Variants in SLC2A13 observed in about 807,000 individuals in gnomAD.
The protein encoded by SLC2A13 is proton myo-inositol cotransporter.
A neutral mutation model predicts 64.4 loss-of-function variants in SLC2A13; 32 were observed. The ratio of observed to expected loss-of-function variants is 0.50; its 90% CI spans 0.37 to 0.67. SLC2A13 has a LOEUF of 0.67. Among genes scored for constraint, SLC2A13 ranks in the 30% least tolerant of loss-of-function variants. The pLI is 0.00. For synonymous variants in SLC2A13, 338 were observed against 327.1 expected (o/e 1.03, Z -0.36); for missense variants, 743 against 829.2 (o/e 0.90, Z 1.28).
chr12:39,826,002 CT>C (rs1942662259), intron 7 of SLC2A13, among the ~76,000 whole-genome samples: 1 of 151,920 alleles, frequency 6.6e-6, no homozygotes, highest in African/African-American at 2.4e-5. Context: ...AAATATCTTT[CT>C]GTTGTTTTGT....
chr12:39,801,238 G>A (rs1941779491), intron 7 of SLC2A13, among the ~76,000 whole-genome samples: 1 of 59,234 alleles, frequency 1.7e-5, no homozygotes, highest in South Asian at 4.8e-4. Flanking sequence ...CTAAAACTTA[G>A]AGTATAATTA....
chr12:40,087,636 GA>G (rs1938627082), intron 1 of SLC2A13, among the ~76,000 whole-genome samples: 1 of 152,020 alleles, frequency 6.6e-6, no homozygotes, highest in African/African-American at 2.4e-5. Flanking sequence ...TAGATCCTGG[GA>G]TAAACACAAA....
intron 3 of SLC2A13, among the ~76,000 whole-genome samples, chr12:40,000,731 C>T (rs980489360): frequency 6.6e-6 from 1 of 152,230 alleles, no homozygotes; most frequent in African/African-American, 2.4e-5. Flanking sequence ...TTATAAGAAT[C>T]GCAGTTATAG....
intron 1 of SLC2A13, among the ~76,000 whole-genome samples, chr12:40,070,113 T>C (rs918043518): frequency 6.6e-6 from 1 of 150,426 alleles, no homozygotes; most frequent in East Asian, 2.0e-4. Flanking sequence ...TGACAAAGAG[T>C]ATTATTAGAA....
chr12:40,068,582 C>T (rs980787029), intron 1 of SLC2A13: 8 of 181,324 alleles, frequency 4.4e-5, no homozygotes, highest in Admixed American at 1.9e-4. Flanking sequence ...TCATTTTTGC[C>T]ACCATCATAT....
intron 4 of SLC2A13, among the ~76,000 whole-genome samples, chr12:39,896,520 A>G (rs964417324): frequency 4.3e-5 from 6 of 138,886 alleles, no homozygotes; most frequent in South Asian, 2.2e-4. Context: ...ATGTGTGTAT[A>G]CATGTATACA....
chr12:39,879,659 C>G (rs549458965), intron 4 of SLC2A13, among the ~76,000 whole-genome samples: 1 of 152,138 alleles, frequency 6.6e-6, no homozygotes, highest in Admixed American at 6.5e-5. Context: ...ATGCCTATAC[C>G]CCCAGTGTAT....
intron 1 of SLC2A13, among the ~76,000 whole-genome samples, chr12:40,078,942 G>C (rs554108883): frequency 6.6e-6 from 1 of 152,234 alleles, no homozygotes; most frequent in African/African-American, 2.4e-5. Flanking sequence ...AATAGTTTCT[G>C]AGGGTTCTGT....
At chr12:39,936,122 G>C (rs1945913560) in intron 4 of SLC2A13, among the ~76,000 whole-genome samples, 1 of 152,198 alleles carries the variant, frequency 6.6e-6, no homozygotes, top group Non-Finnish European at 1.5e-5. Context: ...GTTGCAGAAA[G>C]TTTAGAGGCA....
chr12:40,031,822 A>G (rs1207245103), intron 2 of SLC2A13, among the ~76,000 whole-genome samples: 1 of 152,210 alleles, frequency 6.6e-6, no homozygotes, highest in Admixed American at 6.5e-5. Context: ...ACTAATAAAA[A>G]TTTCAACATG....
At chr12:40,033,700 T>C (rs1947937322) in intron 2 of SLC2A13, among the ~76,000 whole-genome samples, 1 of 152,252 alleles carries the variant, frequency 6.6e-6, no homozygotes, top group Non-Finnish European at 1.5e-5. Flanking sequence ...TATTTAATGT[T>C]TCTTTAACAT....
intron 1 of SLC2A13, among the ~76,000 whole-genome samples, chr12:40,096,115 G>C (rs1440595866): frequency 2.0e-5 from 3 of 149,872 alleles, no homozygotes; most frequent in Admixed American, 6.6e-5. Flanking sequence ...CTTTTTAGTA[G>C]AGATGGGGTT....
intron 7 of SLC2A13, among the ~76,000 whole-genome samples, chr12:39,771,245 C>G (rs1354202784): frequency 6.6e-6 from 1 of 151,978 alleles, no homozygotes; most frequent in African/African-American, 2.4e-5. Context: ...GTTCCTTTTT[C>G]TGGAGTGTGG....
chr12:39,927,536 C>T (rs141862798), intron 4 of SLC2A13, among the ~76,000 whole-genome samples: 97 of 152,110 alleles, frequency 6.4e-4, no homozygotes, highest in African/African-American at 2.0e-3. Flanking sequence ...CTCCAAATTG[C>T]GTGTTCATTA....
intron 6 of SLC2A13, among the ~76,000 whole-genome samples, chr12:39,847,364 G>C (rs1042657339): frequency 6.6e-6 from 1 of 151,922 alleles, no homozygotes; most frequent in African/African-American, 2.4e-5. Flanking sequence ...CCCTCCTCCC[G>C]ACTGCTAGAC....
intron 3 of SLC2A13, among the ~76,000 whole-genome samples, chr12:39,975,408 A>T (rs1329629011): frequency 1.3e-5 from 2 of 152,260 alleles, no homozygotes; most frequent in African/African-American, 4.8e-5. Context: ...AAGTTCAGAC[A>T]TTCTGAATTC....
chr12:39,862,893 A>G (rs1288273099), intron 6 of SLC2A13, among the ~76,000 whole-genome samples: 2 of 152,212 alleles, frequency 1.3e-5, no homozygotes, highest in African/African-American at 4.8e-5. Context: ...TTTTAAAATA[A>G]CTAATACAGT....
chr12:39,825,081 A>C (rs1942632158), intron 7 of SLC2A13, among the ~76,000 whole-genome samples: 1 of 152,186 alleles, frequency 6.6e-6, no homozygotes, highest in Non-Finnish European at 1.5e-5. Context: ...TACGGTAAAC[A>C]ATGAATTGCC....
intron 1 of SLC2A13, among the ~76,000 whole-genome samples, chr12:40,084,123 C>G (rs1019323355): frequency 3.3e-5 from 5 of 152,158 alleles, no homozygotes; most frequent in Non-Finnish European, 5.9e-5. Context: ...TTGAATGTGT[C>G]TAATAAAAGA....
Sources: allele counts gnomAD v4.1 joint callset (sites outside exome capture counted in the v4.1 genomes callset), GRCh38; gene constraint gnomAD v4.1.1; transcripts MANE v1.5; gene names NCBI Gene and HGNC (gene_info 2026-07-23, HGNC 2026-07-21).